Variants in TRHDE observed in about 807,000 individuals in gnomAD.
The protein encoded by TRHDE is thyrotropin releasing hormone degrading enzyme, also known as thyrotropin-releasing hormone-degrading ectoenzyme.
In TRHDE, 72 loss-of-function variants were observed where a neutral mutation model predicts 125.7. The ratio of observed to expected loss-of-function variants is 0.57; its 90% CI spans 0.47 to 0.70. The LOEUF (loss-of-function observed/expected upper bound fraction) is 0.70, where lower values mean the gene tolerates loss of function less well. TRHDE is among the 30% of genes least tolerant of loss of function. TRHDE has a pLI of 0.00. For missense variants in TRHDE, 1,110 were observed against 1,327.1 expected (o/e 0.84, Z 2.54); for synonymous variants, 509 against 509.1 (o/e 1.00, Z 0.00).
intron 2 of TRHDE, among the ~76,000 whole-genome samples, chr12:72,130,401 A>G (rs1875833400): frequency 6.6e-6 from 1 of 152,236 alleles, no homozygotes; most frequent in African/African-American, 2.4e-5. Context: ...AAATAATGCA[A>G]AGCCATAGTT....
At chr12:72,496,558 C>T (rs1877928431) in intron 5 of TRHDE, among the ~76,000 whole-genome samples, 1 of 152,118 alleles carries the variant, frequency 6.6e-6, no homozygotes, top group African/African-American at 2.4e-5. Context: ...CCTGGCACCA[C>T]CCTTGACATG....
chr12:72,513,504 T>G (rs955630059), intron 6 of TRHDE, among the ~76,000 whole-genome samples: 2 of 152,168 alleles, frequency 1.3e-5, no homozygotes, highest in Non-Finnish European at 2.9e-5. Context: ...GAAAATTATC[T>G]AGAGACTACA....
chr12:72,401,138 T>C (rs1873026647), intron 3 of TRHDE, among the ~76,000 whole-genome samples: 2 of 152,192 alleles, frequency 1.3e-5, no homozygotes, highest in Non-Finnish European at 2.9e-5. Flanking sequence ...TTATAAACTT[T>C]TAAGTGATAT....
chr12:72,377,069 A>G (rs1339660753), intron 2 of TRHDE, among the ~76,000 whole-genome samples: 3 of 152,172 alleles, frequency 2.0e-5, no homozygotes, highest in African/African-American at 7.2e-5. Flanking sequence ...TTAGTGGCAG[A>G]GTAGGACTAA....
chr12:72,361,770 A>T (rs1291691111), intron 2 of TRHDE, among the ~76,000 whole-genome samples: 1 of 132,436 alleles, frequency 7.6e-6, no homozygotes, highest in Non-Finnish European at 1.6e-5. Flanking sequence ...TGTCCATGTG[A>T]TCTCATTGTT....
intron 6 of TRHDE, among the ~76,000 whole-genome samples, chr12:72,500,216 T>C (rs1375525696): frequency 6.6e-6 from 1 of 152,172 alleles, no homozygotes; most frequent in Admixed American, 6.6e-5. Context: ...ATTTTTCCCA[T>C]TGTTACTTGG....
chr12:72,381,838 T>C (rs1872200174), intron 3 of TRHDE, among the ~76,000 whole-genome samples: 1 of 152,196 alleles, frequency 6.6e-6, no homozygotes, highest in African/African-American at 2.4e-5. Flanking sequence ...TGATAATTTT[T>C]GAGACTGACA....
At chr12:72,425,265 TTC>T (rs1874136216) in intron 3 of TRHDE, among the ~76,000 whole-genome samples, 1 of 152,174 alleles carries the variant, frequency 6.6e-6, no homozygotes, top group African/African-American at 2.4e-5. Context: ...GGTTTTATTT[TTC>T]TGTTTGGTTC....
intron 15 of TRHDE, among the ~76,000 whole-genome samples, chr12:72,650,318 A>G (rs1211893302): frequency 6.6e-6 from 1 of 152,158 alleles, no homozygotes; most frequent in African/African-American, 2.4e-5. Flanking sequence ...GATATTTTAA[A>G]AAGTGAAGCT....
chr12:72,236,414 C>A (rs777384924), intron 2 of TRHDE, among the ~76,000 whole-genome samples: 55 of 149,952 alleles, frequency 3.7e-4, no homozygotes, highest in Non-Finnish European at 6.8e-4. Flanking sequence ...TTTGCAGGAA[C>A]TTGAAGCATC....
intron 6 of TRHDE, among the ~76,000 whole-genome samples, chr12:72,512,463 ATT>A (rs1491375826): frequency 7.1e-6 from 1 of 140,332 alleles, no homozygotes; most frequent in African/African-American, 2.6e-5. Flanking sequence ...ATTATAATAT[ATT>A]ATATAGTTAT....
At chr12:72,501,529 C>T (rs573379727) in intron 6 of TRHDE, among the ~76,000 whole-genome samples, 2 of 151,974 alleles carry the variant, frequency 1.3e-5, no homozygotes, top group South Asian at 2.1e-4. Flanking sequence ...CTTTGCATTC[C>T]TGAGACAAAT....
At chr12:72,476,143 C>T (rs1398045798) in intron 5 of TRHDE, among the ~76,000 whole-genome samples, 1 of 152,176 alleles carries the variant, frequency 6.6e-6, no homozygotes, top group Non-Finnish European at 1.5e-5. Flanking sequence ...TCTCGAACTC[C>T]TGACCTTAGG....
intron 3 of TRHDE, among the ~76,000 whole-genome samples, chr12:72,409,758 C>A (rs566544485): frequency 6.6e-6 from 1 of 151,938 alleles, no homozygotes; most frequent in African/African-American, 2.4e-5. Context: ...GGAAAGCAAA[C>A]ATAATGACAG....
At chr12:72,341,088 T>G (rs1592555799) in intron 2 of TRHDE, among the ~76,000 whole-genome samples, 2 of 152,064 alleles carry the variant, frequency 1.3e-5, no homozygotes, top group East Asian at 3.9e-4. Flanking sequence ...TTCTAAAACT[T>G]GGAACCTCTT....
chr12:72,469,976 T>A, intron 4 of TRHDE, 64 bp downstream of exon 4: 1 of 1,507,394 alleles, frequency 6.6e-7, no homozygotes, highest in Non-Finnish European at 9.1e-7. Flanking sequence ...TTTGAATACC[T>A]ACATTAAGAG....
intron 2 of TRHDE, among the ~76,000 whole-genome samples, chr12:72,362,053 T>C (rs1185064010): frequency 1.4e-5 from 1 of 70,318 alleles, no homozygotes; most frequent in Non-Finnish European, 2.8e-5. Flanking sequence ...AGCAGCATGA[T>C]TTATAGTCCT....
At chr12:72,286,455 G>A (rs756410527) in intron 1 of TRHDE, among the ~76,000 whole-genome samples, 42 of 152,102 alleles carry the variant, frequency 2.8e-4, no homozygotes, top group Non-Finnish European at 4.0e-4. Context: ...TGGGTTTAAC[G>A]AATTTATTTT....
intron 3 of TRHDE, among the ~76,000 whole-genome samples, chr12:72,443,192 CTGTGTGTGTG>C (rs58277850): frequency 0.12 from 17,335 of 144,452 alleles, 1,420 homozygotes; most frequent in East Asian, 0.47. Context: ...TACTTCTTTC[CTGTGTGTGTG>C]TGTGTGTGTG....
Sources: allele counts gnomAD v4.1 joint callset (sites outside exome capture counted in the v4.1 genomes callset), GRCh38; gene constraint gnomAD v4.1.1; transcripts MANE v1.5; gene names NCBI Gene and HGNC (gene_info 2026-07-23, HGNC 2026-07-21).